FGF12: variants seen among roughly 807,000 people sequenced by gnomAD.
The protein encoded by FGF12 is fibroblast growth factor 12B.
A neutral mutation model predicts 23.6 loss-of-function variants in FGF12; 14 were observed. The ratio of observed to expected loss-of-function variants is 0.59; its 90% confidence interval spans 0.39 to 0.93. FGF12 has a LOEUF of 0.93. Among genes scored for constraint, FGF12 ranks in the 40% least tolerant of loss-of-function variants. The probability of loss-of-function intolerance (pLI) is 0.00; values close to 1 mark genes in which losing one functional copy is unlikely to be tolerated. For synonymous variants in FGF12, 62 were observed against 77.3 expected (o/e 0.80, Z 1.04); for missense variants, 175 against 217.8 (o/e 0.80, Z 1.24).
chr3:192,284,851 C>G (rs1714357093), intron 4 of FGF12, among the ~76,000 whole-genome samples: 1 of 151,938 alleles, frequency 6.6e-6, no homozygotes, highest in Admixed American at 6.6e-5. Flanking sequence ...ACTGGGGAAG[C>G]TGGATTTTAA....
intron 1 of FGF12, 42 bp from the exon 2 acceptor site, chr3:192,727,365 C>T: frequency 2.0e-6 from 3 of 1,514,062 alleles, no homozygotes; most frequent in Non-Finnish European, 2.6e-6. Context: ...TGCAATCAGC[C>T]ACCAAAGGAC....
intron 2 of FGF12, chr3:192,726,837 GATTT>G (rs1719231504): frequency 3.0e-6 from 1 of 329,410 alleles, no homozygotes; most frequent in South Asian, 8.9e-5. Flanking sequence ...AAATGAAATA[GATTT>G]ATTTGAGTCC....
chr3:192,163,790 A>G (rs79641922), intron 5 of FGF12, among the ~76,000 whole-genome samples: 4 of 150,104 alleles, frequency 2.7e-5, no homozygotes, highest in African/African-American at 7.3e-5. Context: ...AATTCTAACA[A>G]AGAAAATGGA....
intron 2 of FGF12, among the ~76,000 whole-genome samples, chr3:192,440,094 C>CAGGTATTGGG (rs2108795884): frequency 6.6e-6 from 1 of 151,610 alleles, no homozygotes; most frequent in East Asian, 1.9e-4. Flanking sequence ...AATACTTTTT[C>CAGGTATTGGG]AGGTATTGGG....
At chr3:192,696,900 A>G (rs1030966250) in intron 2 of FGF12, among the ~76,000 whole-genome samples, 8 of 152,058 alleles carry the variant, frequency 5.3e-5, no homozygotes, top group African/African-American at 1.9e-4. Flanking sequence ...GAAAAGCTTT[A>G]TAAACTGTAA....
intron 2 of FGF12, among the ~76,000 whole-genome samples, chr3:192,705,651 ATAACTT>A (rs1718444689): frequency 6.6e-6 from 1 of 152,240 alleles, no homozygotes; most frequent in Admixed American, 6.5e-5. Flanking sequence ...TAATAATAGA[ATAACTT>A]AAAAGACTGT....
chr3:192,585,071 C>T (rs924160842), intron 2 of FGF12, among the ~76,000 whole-genome samples: 6 of 152,134 alleles, frequency 3.9e-5, no homozygotes, highest in African/African-American at 1.2e-4. Flanking sequence ...CTGCATTCAA[C>T]ATCAAGTGAG....
At chr3:192,251,896 A>G (rs1712036758) in intron 4 of FGF12, among the ~76,000 whole-genome samples, 1 of 152,154 alleles carries the variant, frequency 6.6e-6, no homozygotes, top group Non-Finnish European at 1.5e-5. Flanking sequence ...GGTTCCAAAT[A>G]TCTGGATAGT....
intron 4 of FGF12, among the ~76,000 whole-genome samples, chr3:192,187,390 T>TA (rs1293682985): frequency 6.6e-6 from 1 of 152,176 alleles, no homozygotes; most frequent in Non-Finnish European, 1.5e-5. Context: ...CATATATTTT[T>TA]AATGTAAAAC....
chr3:192,418,684 A>G (rs1192069160), intron 2 of FGF12, among the ~76,000 whole-genome samples: 1 of 152,038 alleles, frequency 6.6e-6, no homozygotes, highest in East Asian at 1.9e-4. Context: ...GTGAGTTCTC[A>G]TGAGATCTGA....
chr3:192,632,473 G>A (rs1301704316), intron 2 of FGF12, among the ~76,000 whole-genome samples: 1 of 152,160 alleles, frequency 6.6e-6, no homozygotes. Flanking sequence ...ATGCCAAGCA[G>A]GTAAAATGAC....
At position 192,141,565 on chromosome 3, in the gene FGF12, T is replaced by C. The variant is rs1560163746; in HGVS notation, c.*2444A>G. On this transcript the variant is annotated 3_prime_UTR_variant, in exon 6 of 6. Coordinates refer to ENST00000445105, the MANE Select transcript of FGF12 (RefSeq NM_004113.6). ...TAACATAATACGGAGAAAAACAATA[T>C]ACAAATTGTGTGGTTAGAATTTTTT... 1 of 152,118 alleles carries C rather than the reference T, an allele frequency of 6.6e-6. No individual in the cohort carries two copies. Among genetic ancestry groups the C allele is most frequent in the Non-Finnish European group, 1.5e-5 (1 of 67,870 alleles). 9.4% of individuals were successfully genotyped at this position (152,118 alleles called of 1,614,324 possible).
chr3:192,454,570 C>T (rs1461271264), intron 2 of FGF12, among the ~76,000 whole-genome samples: 1 of 152,020 alleles, frequency 6.6e-6, no homozygotes, highest in Non-Finnish European at 1.5e-5. Flanking sequence ...ACTTCATAAA[C>T]CTAAAAAGGG....
At position 192,716,252 on chromosome 3, in the gene FGF12, T is replaced by C. The variant is rs4484146; in HGVS notation, c.13+10929A>G. ...TTTGTACACACTTAAGTTGGAAAACTGGTCAGAAAGTTGTCCTTACGATTC... is the reference window on the plus strand; with the variant it reads ...TTTGTACACACTTAAGTTGGAAAACCGGTCAGAAAGTTGTCCTTACGATTC... On this transcript the variant is annotated intron_variant, in intron 2 of 5. Coordinates refer to ENST00000445105, the MANE Select transcript of FGF12 (RefSeq NM_004113.6). 2.4e-3 allele frequency among the ~76,000 whole-genome samples: 365 copies of C among 152,326 alleles called. 2 individuals are homozygous for C. Among genetic ancestry groups the C allele is most frequent in the African/African-American group, 7.7e-3 (320 of 41,582 alleles).
rs866093084 is a variant in FGF12 at position 192,522,206 on chromosome 3, A to T, written c.14-161668T>A. ...GAGCGAGACTCCGTCTCAAAAAAAA[A>T]AAAAACAAAAAAAAACGGGGGGGAC... is the stretch of plus-strand genomic sequence containing the variant. On this transcript the variant is annotated intron_variant, in intron 2 of 5. Transcript: ENST00000445105. 1.9e-3 allele frequency among the ~76,000 whole-genome samples: 290 copies of T among 151,864 alleles called. 3 individuals are homozygous for T. Among genetic ancestry groups the T allele is most frequent in the African/African-American group, 6.8e-3 (282 of 41,444 alleles).
chr3:192,553,204 CTA>C (rs1455611537), intron 2 of FGF12, among the ~76,000 whole-genome samples: 1 of 151,842 alleles, frequency 6.6e-6, no homozygotes, highest in African/African-American at 2.4e-5. Context: ...ATATATGAAT[CTA>C]TATAAAGAAA....
At chr3:192,279,621 A>C (rs544770581) in intron 4 of FGF12, among the ~76,000 whole-genome samples, 1 of 152,286 alleles carries the variant, frequency 6.6e-6, no homozygotes, top group Non-Finnish European at 1.5e-5. Context: ...GTGAGTGAGC[A>C]GCAAAGCCAG....
At chr3:192,275,630 T>C (rs998938730) in intron 4 of FGF12, among the ~76,000 whole-genome samples, 2 of 152,128 alleles carry the variant, frequency 1.3e-5, no homozygotes, top group African/African-American at 4.8e-5. Flanking sequence ...GTAGAAACAA[T>C]ACAGGAAAAC....
At chr3:192,272,721 T>G in intron 4 of FGF12, among the ~76,000 whole-genome samples, 1 of 152,136 alleles carries the variant, frequency 6.6e-6, no homozygotes, top group Admixed American at 6.6e-5. Context: ...AATGTGCACA[T>G]TGAAAGAGAG....
Sources: gnomAD v4.1 joint callset for allele counts (sites outside exome capture counted in the v4.1 genomes callset) on GRCh38, gnomAD v4.1.1 for gene constraint, MANE v1.5 for transcripts, NCBI Gene and HGNC (gene_info 2026-07-23, HGNC 2026-07-21) for gene names.